Variants in ANXA3 observed in about 807,000 individuals in gnomAD.
ANXA3 encodes annexin A3, also known as 35-alpha calcimedin.
ANXA3 carries 46 observed loss-of-function variants against 48.8 expected under a neutral mutation model. That is an observed-to-expected ratio of 0.94 (90% CI 0.74 to 1.21). The LOEUF (loss-of-function observed/expected upper bound fraction) is 1.21, where lower values mean the gene tolerates loss of function less well. Among genes scored for constraint, ANXA3 ranks in the 50% most tolerant of loss-of-function variants. The probability of loss-of-function intolerance (pLI) is 0.00; values close to 1 mark genes in which losing one functional copy is unlikely to be tolerated. For missense variants in ANXA3, 383 were observed against 378.6 expected, an observed-to-expected ratio of 1.01 and a Z score of -0.10; for synonymous variants, 128 against 134.7, an observed-to-expected ratio of 0.95 and a Z score of 0.35.
intron 10 of ANXA3, among the ~76,000 whole-genome samples, chr4:78,598,114 G>A (rs1380926282): frequency 6.6e-6 from 1 of 151,666 alleles, no homozygotes; most frequent in Non-Finnish European, 1.5e-5. Flanking sequence ...AAGGATTGCT[G>A]GAGCCAAGGA....
At chr4:78,589,234 G>T (rs565367057) in intron 6 of ANXA3, among the ~76,000 whole-genome samples, 2 of 152,304 alleles carry the variant, frequency 1.3e-5, no homozygotes, top group South Asian at 4.1e-4. Context: ...TTACCATTCA[G>T]GATAGTGTTG....
chr4:78,594,825 T>C (rs985160362), intron 7 of ANXA3, among the ~76,000 whole-genome samples: 2 of 152,230 alleles, frequency 1.3e-5, no homozygotes, highest in African/African-American at 2.4e-5. Context: ...TACCTTGTCT[T>C]TTCTTCCACA....
intron 3 of ANXA3, among the ~76,000 whole-genome samples, chr4:78,578,509 G>C (rs1723009347): frequency 2.0e-5 from 3 of 152,142 alleles, no homozygotes; most frequent in Admixed American, 6.5e-5. Flanking sequence ...GCAGTTGTGT[G>C]ACTTTGGCAA....
At chr4:78,560,711 A>G (rs139021676) in intron 2 of ANXA3, among the ~76,000 whole-genome samples, 64 of 152,254 alleles carry the variant, frequency 4.2e-4, no homozygotes, top group African/African-American at 1.4e-3. Context: ...CACAGGGCTA[A>G]TCTTTCTGGA....
At chr4:78,573,376 G>A (rs1436236584) in intron 3 of ANXA3, 109 bp downstream of exon 3, 7 of 759,306 alleles carry the variant, frequency 9.2e-6, no homozygotes, top group Non-Finnish European at 1.5e-5. Context: ...TAAATTGTCA[G>A]GAATTTTCTA....
chr4:78,555,063 G>A (rs555372784), intron 2 of ANXA3, among the ~76,000 whole-genome samples: 48 of 152,294 alleles, frequency 3.2e-4, no homozygotes, highest in South Asian at 6.2e-4. Context: ...AAAATAGCCC[G>A]GTGCGATGGC....
intron 1 of ANXA3, among the ~76,000 whole-genome samples, chr4:78,553,434 C>T (rs1722442254): frequency 1.3e-5 from 2 of 152,190 alleles, no homozygotes; most frequent in African/African-American, 4.8e-5. Context: ...GCAACACCCC[C>T]TTCTTCACTT....
At chr4:78,590,934 A>C (rs1723279362) in intron 6 of ANXA3, among the ~76,000 whole-genome samples, 1 of 152,072 alleles carries the variant, frequency 6.6e-6, no homozygotes, top group South Asian at 2.1e-4. Context: ...CTTCTTGATT[A>C]CTTTTATGCC....
chr4:78,597,217 T>TA, intron 9 of ANXA3, 102 bp from the exon 10 acceptor site: 1 of 726,580 alleles, frequency 1.4e-6, no homozygotes, highest in Non-Finnish European at 2.3e-6. Flanking sequence ...GGGAGTTTTT[T>TA]AGCTTGCTAC....
chr4:78,560,012 A>G (rs1404488948), intron 2 of ANXA3, among the ~76,000 whole-genome samples: 2 of 152,204 alleles, frequency 1.3e-5, no homozygotes, highest in Non-Finnish European at 1.5e-5. Context: ...TGATTTTATT[A>G]CACATCAATA....
chr4:78,578,061 C>T (rs1266217576), intron 3 of ANXA3, among the ~76,000 whole-genome samples: 1 of 151,728 alleles, frequency 6.6e-6, no homozygotes, highest in African/African-American at 2.4e-5. Context: ...GGTGGATCAC[C>T]TGAGGTCAGG....
chr4:78,556,109 T>C (rs996137579), intron 2 of ANXA3, among the ~76,000 whole-genome samples: 3 of 152,186 alleles, frequency 2.0e-5, no homozygotes, highest in Non-Finnish European at 4.4e-5. Flanking sequence ...ATGTATCTTA[T>C]AGATAAACTT....
At chr4:78,552,502 T>C (rs1438994679) in intron 1 of ANXA3, among the ~76,000 whole-genome samples, 1 of 152,212 alleles carries the variant, frequency 6.6e-6, no homozygotes, top group Admixed American at 6.5e-5. Context: ...CAGAATCCTA[T>C]TGACTAGATA....
At chr4:78,601,444 T>C (rs6844356) in intron 10 of ANXA3, 66 bp from the exon 11 acceptor site, 86,878 of 1,435,328 alleles carry the variant, frequency 0.061, 3,300 homozygotes, top group African/African-American at 0.17. Context: ...AAAAAACATA[T>C]TACTTACTAT....
intron 4 of ANXA3, among the ~76,000 whole-genome samples, chr4:78,581,436 G>A (rs1158206699): frequency 6.6e-6 from 1 of 152,154 alleles, no homozygotes; most frequent in Non-Finnish European, 1.5e-5. Context: ...CCATCGCCCT[G>A]TAGGATAACT....
chr4:78,569,577 G>A (rs1722804168), intron 2 of ANXA3, among the ~76,000 whole-genome samples: 1 of 152,170 alleles, frequency 6.6e-6, no homozygotes, highest in Non-Finnish European at 1.5e-5. Flanking sequence ...ATAAAGCAGT[G>A]CTTCTTAAAC....
chr4:78,594,119 A>G (rs1446669357), intron 7 of ANXA3, among the ~76,000 whole-genome samples: 1 of 152,088 alleles, frequency 6.6e-6, no homozygotes, highest in Non-Finnish European at 1.5e-5. Context: ...TGCCATCTCT[A>G]GAATGTCCTA....
At chr4:78,585,673 CTG>C (rs1371492842) in intron 5 of ANXA3, among the ~76,000 whole-genome samples, 1 of 152,218 alleles carries the variant, frequency 6.6e-6, no homozygotes, top group African/African-American at 2.4e-5. Context: ...AATTCAGTCT[CTG>C]TTCATATGCT....
intron 5 of ANXA3, 40 bp downstream of exon 5, chr4:78,582,330 C>A: frequency 1.4e-6 from 2 of 1,396,990 alleles, no homozygotes; most frequent in Non-Finnish European, 2.0e-6. Context: ...CAGGGTTTGA[C>A]CAAGTCATCA....
Sources: gnomAD v4.1 joint callset for allele counts (sites outside exome capture counted in the v4.1 genomes callset) on GRCh38, gnomAD v4.1.1 for gene constraint, MANE v1.5 for transcripts, NCBI Gene and HGNC (gene_info 2026-07-23, HGNC 2026-07-21) for gene names.